SLC47A1: variants seen among roughly 807,000 people sequenced by gnomAD.
The protein encoded by SLC47A1 is multidrug and toxin extrusion protein 1.
A neutral mutation model predicts 65.8 loss-of-function variants in SLC47A1; 58 were observed. The observed-to-expected ratio is 0.88, with a 90% CI of 0.71 to 1.10. The LOEUF (loss-of-function observed/expected upper bound fraction) is 1.10. Ranked by LOEUF, SLC47A1 falls within the 50% of genes least tolerant of loss-of-function variation. SLC47A1 has a pLI of 0.00. For synonymous variants in SLC47A1, 285 were observed against 295.0 expected (o/e 0.97, Z 0.35); for missense variants, 706 against 719.2 (o/e 0.98, Z 0.21).
chr17:19,567,524 A>G (rs900099717), intron 14 of SLC47A1, among the ~76,000 whole-genome samples: 28 of 152,106 alleles, frequency 1.8e-4, no homozygotes, highest in Admixed American at 1.5e-3. Context: ...TCCAGCCCTC[A>G]CTTCTCTAAA....
chr17:19,577,618 C>G lies in SLC47A1; in HGVS notation c.*65C>G. The G allele has an allele frequency of 2.5e-6, 4 of 1,597,856 alleles. No individual in the cohort carries two copies. The highest frequency in any genetic ancestry group is 3.4e-6 in the Non-Finnish European group (4 of 1,171,346). ...GCTTACACACAATTCACAGGCCCAC[C>G]AGTGACAATTTACTGTGAGTTAATG... On this transcript the variant is annotated 3_prime_UTR_variant, in exon 17 of 17. Transcript: ENST00000270570.
chr17:19,557,136 G>C (rs1383428110), intron 10 of SLC47A1: 1 of 152,428 alleles, frequency 6.6e-6, no homozygotes, highest in African/African-American at 2.4e-5. Context: ...AGAAACTCAA[G>C]CCAGCAGATA....
At position 19,546,501 on chromosome 17, in the gene SLC47A1, C is replaced by A; in HGVS notation, c.304C>A (p.Gln102Lys). Residue 102 changes from glutamine (Q) to lysine (K), a missense_variant and splice_region_variant, in exon 3 of 17, where the codon CAG becomes AAG. Physicochemically the swap from Gln to Lys is moderately conservative, Grantham distance 53 (BLOSUM62 1). Transcript: ENST00000270570. ...LSSACDTLIS[Q>K]TYGSQNLKHV... The stretch of plus-strand genomic sequence containing the variant: ...TTCTGCCTGTGACACCCTCATCTCC[C>A]AGGTAAATGGAAGTGGTCACACGCT... 1 of 1,613,522 alleles carries A rather than the reference C, an allele frequency of 6.2e-7. No homozygotes were observed. Among genetic ancestry groups the A allele is most frequent in the Non-Finnish European group, 8.5e-7 (1 of 1,179,802 alleles).
chr17:19,557,481 A>G (rs1916649202), intron 10 of SLC47A1: 2 of 436,976 alleles, frequency 4.6e-6, no homozygotes, highest in African/African-American at 4.0e-5. Context: ...TTCAATATTA[A>G]CAACTCTTCA....
chr17:19,576,637 G>A (rs1472223183), intron 16 of SLC47A1, among the ~76,000 whole-genome samples: 1 of 151,944 alleles, frequency 6.6e-6, no homozygotes, highest in Non-Finnish European at 1.5e-5. Flanking sequence ...GTGAGCCATC[G>A]CACCCAGACT....
chr17:19,571,278 T>C (rs2084397641), intron 14 of SLC47A1, among the ~76,000 whole-genome samples, 200 bp from the exon 15 acceptor site: 1 of 152,160 alleles, frequency 6.6e-6, no homozygotes, highest in Non-Finnish European at 1.5e-5. Flanking sequence ...CAAGGAGTAC[T>C]GGGCTTTCCA....
intron 1 of SLC47A1, among the ~76,000 whole-genome samples, chr17:19,540,736 G>A (rs975086994): frequency 2.0e-5 from 3 of 152,108 alleles, no homozygotes; most frequent in East Asian, 1.9e-4. Context: ...CGCTCCTCAC[G>A]TTCAGTAGCA....
intron 1 of SLC47A1, among the ~76,000 whole-genome samples, chr17:19,541,435 C>T (rs1415501990): frequency 1.3e-5 from 2 of 152,178 alleles, no homozygotes; most frequent in Admixed American, 1.3e-4. Flanking sequence ...TTTAAGTTAA[C>T]CTCCAGAAAT....
At chr17:19,557,862 A>G (rs1279046390) in intron 10 of SLC47A1, 1 of 194,510 alleles carries the variant, frequency 5.1e-6, no homozygotes, top group Non-Finnish European at 1.1e-5. Flanking sequence ...AGCATGCTCA[A>G]TAATTATTTG....
At chr17:19,566,936 C>T (rs2084362644) in intron 13 of SLC47A1, 77 bp downstream of exon 13, 2 of 1,588,648 alleles carry the variant, frequency 1.3e-6, no homozygotes, top group Non-Finnish European at 1.7e-6. Context: ...GAGGAGGGGC[C>T]AGCATAGGTA....
chr17:19,549,599 C>T (rs1195590543), intron 4 of SLC47A1, 36 bp from the exon 5 acceptor site: 1 of 1,607,312 alleles, frequency 6.2e-7, no homozygotes. Flanking sequence ...AGGCCTCCAT[C>T]ACAGTTTTTG....
At chr17:19,541,386 G>A (rs1210757273) in intron 1 of SLC47A1, among the ~76,000 whole-genome samples, 1 of 152,208 alleles carries the variant, frequency 6.6e-6, no homozygotes, top group Non-Finnish European at 1.5e-5. Flanking sequence ...GAGAGATACT[G>A]GACCGCCTGG....
chr17:19,537,667 G>A (rs1916028660), intron 1 of SLC47A1, among the ~76,000 whole-genome samples: 1 of 152,152 alleles, frequency 6.6e-6, no homozygotes, highest in African/African-American at 2.4e-5. Context: ...TCGTATCTCC[G>A]CTCTCATGCT....
At chr17:19,560,878 TAAA>T (rs773197178) in intron 12 of SLC47A1, among the ~76,000 whole-genome samples, 1 of 116,128 alleles carries the variant, frequency 8.6e-6, no homozygotes, top group Non-Finnish European at 1.8e-5. Context: ...GACTCCGTCT[TAAA>T]AAAAAAAAAA....
intron 1 of SLC47A1, among the ~76,000 whole-genome samples, chr17:19,541,639 C>T (rs1163777576): frequency 2.6e-5 from 4 of 152,172 alleles, no homozygotes; most frequent in South Asian, 2.1e-4. Flanking sequence ...TCCAAGTGGA[C>T]GATCTCATCG....
At chr17:19,565,294 C>T (rs1308045334) in intron 12 of SLC47A1, among the ~76,000 whole-genome samples, 1 of 152,174 alleles carries the variant, frequency 6.6e-6, no homozygotes, top group Non-Finnish European at 1.5e-5. Flanking sequence ...TTAATTTTTA[C>T]TCTGTAGTGC....
intron 12 of SLC47A1, among the ~76,000 whole-genome samples, chr17:19,563,879 C>T (rs2084335649): frequency 6.6e-6 from 1 of 152,054 alleles, no homozygotes. Context: ...GTCCCAGCTA[C>T]TCGGGAGGCT....
intron 16 of SLC47A1, among the ~76,000 whole-genome samples, chr17:19,573,846 T>C (rs2084418529): frequency 6.6e-6 from 1 of 152,040 alleles, no homozygotes; most frequent in African/African-American, 2.4e-5. Flanking sequence ...GAAATGGAGC[T>C]TTCTGGAGCA....
rs2084454107 is a variant in SLC47A1, at chr17:19,577,991, T to C, written c.*438T>C. Reference sequence around the variant, plus strand: ...ATGGTATTTGTTTTTGTTTTAATTTTTTTTTTAATAGACGGAAGTCTTGCT... The same window carrying C: ...ATGGTATTTGTTTTTGTTTTAATTTCTTTTTTAATAGACGGAAGTCTTGCT... On this transcript the variant is annotated 3_prime_UTR_variant, in exon 17 of 17. Coordinates refer to ENST00000270570, the MANE Select transcript of SLC47A1 (RefSeq NM_018242.3). 1.6e-6 allele frequency: 2 copies of C among 1,281,728 alleles called. No homozygotes were observed. Among genetic ancestry groups the C allele is most frequent in the African/African-American group, 1.5e-5 (1 of 65,584 alleles). The allele number at this position is 1,281,728 out of a possible 1,614,324, so 79.4% of individuals were successfully genotyped here.
Sources: allele counts gnomAD v4.1 joint callset (sites outside exome capture counted in the v4.1 genomes callset), GRCh38; gene constraint gnomAD v4.1.1; transcripts MANE v1.5; gene names NCBI Gene and HGNC (gene_info 2026-07-23, HGNC 2026-07-21).